The following CAMTA1 variants were observed in gnomAD, a reference collection of about 807,000 sequenced individuals.
The protein encoded by CAMTA1 is calmodulin binding transcription activator 1, also known as calmodulin-binding transcription activator 1.
In CAMTA1, 27 loss-of-function variants were observed where a neutral mutation model predicts 170.9. The observed-to-expected ratio is 0.16, with a 90% CI of 0.12 to 0.22. CAMTA1 has a LOEUF of 0.22. Among genes scored for constraint, CAMTA1 ranks in the 10% least tolerant of loss-of-function variants. The probability of loss-of-function intolerance (pLI) is 1.00; values close to 1 mark genes in which losing one functional copy is unlikely to be tolerated. For missense variants in CAMTA1, 1,619 were observed against 2,217.2 expected, an observed-to-expected ratio of 0.73 and a Z score of 5.42; for synonymous variants, 833 against 891.5, an observed-to-expected ratio of 0.93 and a Z score of 1.17.
At chr1:7,226,121 A>G (rs1436386420) in intron 4 of CAMTA1, among the ~76,000 whole-genome samples, 1 of 152,144 alleles carries the variant, frequency 6.6e-6, no homozygotes, top group Non-Finnish European at 1.5e-5. Context: ...ACTCTGCTCA[A>G]TGAGAACTTT....
intron 5 of CAMTA1, among the ~76,000 whole-genome samples, chr1:7,294,462 G>A (rs1673628354): frequency 6.6e-6 from 1 of 152,226 alleles, no homozygotes; most frequent in Non-Finnish European, 1.5e-5. Context: ...GAGGCTGCGG[G>A]CAGCAGTGTG....
At chr1:7,726,772 A>T (rs868512975) in intron 11 of CAMTA1, among the ~76,000 whole-genome samples, 11 of 152,182 alleles carry the variant, frequency 7.2e-5, no homozygotes, top group Admixed American at 4.6e-4. Context: ...ATATAGCCTA[A>T]TATTTCAGGA....
intron 5 of CAMTA1, among the ~76,000 whole-genome samples, chr1:7,339,340 G>A (rs569823323): frequency 6.6e-6 from 1 of 152,296 alleles, no homozygotes; most frequent in Admixed American, 6.5e-5. Context: ...GGTGAGTGTG[G>A]AGTATTTCAG....
chr1:7,454,987 C>T (rs1426930264), intron 5 of CAMTA1, among the ~76,000 whole-genome samples: 1 of 152,168 alleles, frequency 6.6e-6, no homozygotes, highest in Non-Finnish European at 1.5e-5. Context: ...CTCAGTGAGA[C>T]TGAGTGATTC....
At chr1:7,702,137 G>A (rs966587332) in intron 11 of CAMTA1, among the ~76,000 whole-genome samples, 2 of 152,012 alleles carry the variant, frequency 1.3e-5, no homozygotes, top group African/African-American at 2.4e-5. Flanking sequence ...ATGCAGAAAC[G>A]TCACCCCAGG....
At chr1:7,131,249 G>A (rs1339678368) in intron 4 of CAMTA1, among the ~76,000 whole-genome samples, 3 of 152,130 alleles carry the variant, frequency 2.0e-5, no homozygotes, top group African/African-American at 7.2e-5. Context: ...ACTGCGCCCG[G>A]CCGCCTTTTC....
intron 4 of CAMTA1, among the ~76,000 whole-genome samples, chr1:7,204,502 A>G (rs901816949): frequency 6.6e-6 from 1 of 152,022 alleles, no homozygotes; most frequent in Non-Finnish European, 1.5e-5. Flanking sequence ...TTCTAATTTC[A>G]TTGTCATTAG....
chr1:6,863,395 T>C (rs1163982479), intron 3 of CAMTA1, among the ~76,000 whole-genome samples: 1 of 152,158 alleles, frequency 6.6e-6, no homozygotes, highest in Non-Finnish European at 1.5e-5. Context: ...CCCATCTGCT[T>C]ACAGAGATCC....
chr1:6,939,880 C>T (rs1473970863), intron 3 of CAMTA1, among the ~76,000 whole-genome samples: 2 of 152,264 alleles, frequency 1.3e-5, no homozygotes, highest in Non-Finnish European at 1.5e-5. Context: ...TTCACCCCAG[C>T]ACCCCAAGCA....
At position 7,195,810 on chromosome 1, in the gene CAMTA1, G is replaced by T. The variant is rs1655415975; in HGVS notation, c.303-53681G>T. On this transcript the variant is annotated intron_variant, in intron 4 of 22. Coordinates refer to ENST00000303635, the MANE Select transcript of CAMTA1 (RefSeq NM_015215.4). The surrounding 1 kb of genome is among the most constrained non-coding windows in gnomAD (Gnocchi z 4.1). ...AAGGCAGGCAGATCACCTGAGGTCA[G>T]GAGTTCAAGACCAGCCTGGCCAACA... Among the ~76,000 whole-genome samples the T allele has an allele frequency of 6.6e-6, 1 of 152,188 alleles. No individual in the cohort carries two copies. The highest frequency in any genetic ancestry group is 2.4e-5 in the African/African-American group (1 of 41,460).
intron 1 of CAMTA1, among the ~76,000 whole-genome samples, chr1:6,810,185 G>A (rs541070418): frequency 5.4e-4 from 83 of 152,306 alleles, no homozygotes; most frequent in African/African-American, 1.9e-3. Flanking sequence ...CTGCTGAACT[G>A]TGGTCGAGGT....
At chr1:7,525,046 C>T (rs1011149896) in intron 6 of CAMTA1, among the ~76,000 whole-genome samples, 1 of 152,190 alleles carries the variant, frequency 6.6e-6, no homozygotes, top group Non-Finnish European at 1.5e-5. Flanking sequence ...TTGAGAAATG[C>T]AGTCTAACAC....
rs529416286 is a variant in CAMTA1, at chr1:7,535,663, T to C, written c.510+67762T>C. Among the ~76,000 whole-genome samples, 5 of 152,282 alleles carry C rather than the reference T, an allele frequency of 3.3e-5. No homozygotes were observed. The East Asian group carries it at 7.7e-4, about 24-fold the overall frequency. ...TGTCACTGATGCAAACACAGGAGAC[T>C]TGGCTGAAGACCACACCTCCTGAAC... is the stretch of plus-strand genomic sequence containing the variant. On this transcript the variant is annotated intron_variant, in intron 6 of 22. Transcript: ENST00000303635.
chr1:7,437,205 C>T (rs1216515264), intron 5 of CAMTA1, among the ~76,000 whole-genome samples: 1 of 152,142 alleles, frequency 6.6e-6, no homozygotes, highest in African/African-American at 2.4e-5. Context: ...AGCAGCCTGG[C>T]CCCTCTTTAG....
intron 5 of CAMTA1, among the ~76,000 whole-genome samples, chr1:7,357,212 G>A (rs1445246862): frequency 2.0e-5 from 3 of 152,206 alleles, no homozygotes; most frequent in African/African-American, 4.8e-5. Context: ...AGGCATCGAG[G>A]GATGCCCCGC....
chr1:7,404,743 G>A (rs1266523357), intron 5 of CAMTA1, among the ~76,000 whole-genome samples: 2 of 152,194 alleles, frequency 1.3e-5, no homozygotes, highest in Non-Finnish European at 2.9e-5. Context: ...GGGAAAGGAA[G>A]AGCCAGCCTC....
intron 4 of CAMTA1, chr1:7,219,360 A>G (rs1289723268): frequency 6.6e-6 from 1 of 151,928 alleles, no homozygotes; most frequent in Admixed American, 6.6e-5. Flanking sequence ...GGGACCCGCC[A>G]TGCTTACCTG....
intron 2 of CAMTA1, among the ~76,000 whole-genome samples, chr1:6,822,362 C>G (rs2148474344): frequency 6.6e-6 from 1 of 152,210 alleles, no homozygotes; most frequent in South Asian, 2.1e-4. Context: ...TCTCTGTATC[C>G]CACTTCACCT....
chr1:7,035,133 G>A (rs572017466), intron 3 of CAMTA1, among the ~76,000 whole-genome samples: 3 of 152,254 alleles, frequency 2.0e-5, no homozygotes, highest in Non-Finnish European at 4.4e-5. Flanking sequence ...TGGAGGCGGT[G>A]GCTCATACCT....
Sources: allele counts gnomAD v4.1 joint callset (sites outside exome capture counted in the v4.1 genomes callset), GRCh38; gene constraint gnomAD v4.1.1; non-coding constraint Gnocchi (gnomAD v3.1); transcripts MANE v1.5; gene names NCBI Gene and HGNC (gene_info 2026-07-23, HGNC 2026-07-21).